Variants in NAA25 observed in about 807,000 individuals in gnomAD.
The protein encoded by NAA25 is N-alpha-acetyltransferase 25, NatB auxiliary subunit.
In NAA25, 30 loss-of-function variants were observed where a neutral mutation model predicts 132.5. The ratio of observed to expected loss-of-function variants is 0.23; its 90% CI spans 0.17 to 0.31. NAA25 has a LOEUF of 0.31. NAA25 is among the 10% of genes least tolerant of loss of function. NAA25 has a pLI of 1.00. For missense variants in NAA25, 771 were observed against 1,150.4 expected, an observed-to-expected ratio of 0.67 and a Z score of 4.77; for synonymous variants, 359 against 401.9, an observed-to-expected ratio of 0.89 and a Z score of 1.28.
intron 17 of NAA25, among the ~76,000 whole-genome samples, chr12:112,047,013 T>C (rs2078391512): frequency 6.6e-6 from 1 of 152,184 alleles, no homozygotes; most frequent in African/African-American, 2.4e-5. Flanking sequence ...CTAAGGAATC[T>C]AGAATTTAGC....
At chr12:112,048,856 T>C (rs1488601877) in intron 15 of NAA25, among the ~76,000 whole-genome samples, 2 of 152,030 alleles carry the variant, frequency 1.3e-5, no homozygotes, top group African/African-American at 4.8e-5. Flanking sequence ...ACCAGAATAA[T>C]AGAACCACCT....
rs145330862 is a variant in NAA25, at chr12:112,063,570, T to C, written c.1150-2182A>G. Among the ~76,000 whole-genome samples, 386 of 152,242 alleles carry C rather than the reference T, an allele frequency of 2.5e-3. 6 individuals carry two copies. The highest frequency in any genetic ancestry group is 9.1e-3 in the African/African-American group (376 of 41,528). ...AATATGTAAGTTCCTAAACAGATAG[T>C]AGCAAACAGGCATTTTGGAATGGAA... is the stretch of plus-strand genomic sequence containing the variant. On this transcript the variant is annotated intron_variant, in intron 11 of 23. Coordinates refer to ENST00000261745, the MANE Select transcript of NAA25 (RefSeq NM_024953.4).
intron 7 of NAA25, 33 bp from the exon 8 acceptor site, chr12:112,075,822 G>A: frequency 1.3e-6 from 2 of 1,566,514 alleles, no homozygotes; most frequent in South Asian, 1.1e-5. Flanking sequence ...TTGGTAAGCT[G>A]GTTTCATTTC....
chr12:112,076,494 A>G (rs1378644949), intron 7 of NAA25, among the ~76,000 whole-genome samples: 1 of 152,194 alleles, frequency 6.6e-6, no homozygotes, highest in Non-Finnish European at 1.5e-5. Context: ...TGAGCTAAGA[A>G]AGATGAGATG....
intron 17 of NAA25, 59 bp from the exon 18 acceptor site, chr12:112,043,927 A>C (rs2078336627): frequency 1.3e-6 from 2 of 1,511,682 alleles, no homozygotes; most frequent in East Asian, 2.3e-5. Flanking sequence ...CATTGCTTTC[A>C]ATTTTTTTTT....
chr12:112,031,099 T>G (rs1235787725), intron 23 of NAA25, among the ~76,000 whole-genome samples: 2 of 152,176 alleles, frequency 1.3e-5, no homozygotes, highest in Non-Finnish European at 2.9e-5. Flanking sequence ...TTTTTTAAAG[T>G]ACAAAATAAT....
At chr12:112,041,966 T>G (rs910547196) in intron 20 of NAA25, 73 bp downstream of exon 20, 20 of 875,848 alleles carry the variant, frequency 2.3e-5, no homozygotes, top group Non-Finnish European at 5.2e-6. Context: ...GGCTTGGGAA[T>G]AGGGGAAAGA....
At chr12:112,050,044 AT>A (rs1395854499) in intron 15 of NAA25, among the ~76,000 whole-genome samples, 38 of 146,706 alleles carry the variant, frequency 2.6e-4, no homozygotes, top group African/African-American at 8.4e-4. Flanking sequence ...ACACCACTTT[AT>A]TTAAAAAAAA....
At chr12:112,089,364 A>G (rs1335392860) in intron 3 of NAA25, among the ~76,000 whole-genome samples, 2 of 152,222 alleles carry the variant, frequency 1.3e-5, no homozygotes, top group African/African-American at 4.8e-5. Context: ...AAAAACTGCT[A>G]TTCTATTTAT....
At chr12:112,090,245 G>T (rs1373611530) in intron 3 of NAA25, 1 of 152,212 alleles carries the variant, frequency 6.6e-6, no homozygotes, top group African/African-American at 2.4e-5. Flanking sequence ...TGAAAAATAT[G>T]TATGATTTCA....
chr12:112,037,517 G>C (rs2078241057), intron 22 of NAA25: 1 of 147,130 alleles, frequency 6.8e-6, no homozygotes, highest in Non-Finnish European at 1.5e-5. Flanking sequence ...TTGGGAAATA[G>C]GATATTCATA....
At chr12:112,068,036 C>T (rs1156446116) in intron 11 of NAA25, among the ~76,000 whole-genome samples, 2 of 152,104 alleles carry the variant, frequency 1.3e-5, no homozygotes, top group African/African-American at 2.4e-5. Context: ...CCACACCCAG[C>T]CTCTTTTTTT....
intron 17 of NAA25, among the ~76,000 whole-genome samples, chr12:112,044,094 AT>A (rs1196820852): frequency 4.7e-5 from 7 of 147,854 alleles, no homozygotes; most frequent in African/African-American, 7.4e-5. Context: ...CGCCCGGCTA[AT>A]TTTTTTTTTG....
chr12:112,106,944 G>A (rs1329995038), intron 1 of NAA25, among the ~76,000 whole-genome samples: 2 of 108,178 alleles, frequency 1.8e-5, no homozygotes, highest in African/African-American at 7.4e-5. Context: ...ATGACAGAAT[G>A]AGACTGTCTC....
At position 112,090,820 on chromosome 12, in the gene NAA25, T is replaced by A. The variant is rs776843858; in HGVS notation, c.189A>T (p.Glu63Asp). Residue 63 changes from glutamate (E) to aspartate (D), a missense_variant, in exon 3 of 24, where the codon GAA becomes GAT. This residue lies in a region of NAA25 where 417 missense variants were observed against 733.8 expected (regional missense o/e 0.57). Transcript: ENST00000261745. ...CCACCTCCTGTGCAAGAGTAAAGGC[T>A]TCCTCTTGCTTTCCAGTTCTCTGTA... is the stretch of plus-strand genomic sequence containing the variant. ...IGLQRTGKQEEAFTLAQEVAA... is the reference protein window; with the variant it reads ...IGLQRTGKQEDAFTLAQEVAA... 1 of 1,613,720 alleles carries A rather than the reference T, an allele frequency of 6.2e-7. No individual in the cohort carries two copies. The highest frequency in any genetic ancestry group is 8.5e-7 in the Non-Finnish European group (1 of 1,179,882).
intron 3 of NAA25, 195 bp downstream of exon 3, chr12:112,090,531 C>T (rs2079114264): frequency 4.2e-6 from 2 of 473,560 alleles, no homozygotes; most frequent in South Asian, 7.8e-5. Context: ...CACTTTAATT[C>T]TCATTCCAAT....
At chr12:112,040,414 G>T in intron 21 of NAA25, 67 bp downstream of exon 21, 1 of 972,122 alleles carries the variant, frequency 1.0e-6, no homozygotes, top group Non-Finnish European at 1.6e-6. Flanking sequence ...CCTGTTCACT[G>T]TTGAAAAATG....
At chr12:112,037,275 C>CAT (rs57810657) in intron 22 of NAA25, among the ~76,000 whole-genome samples, 2,647 of 64,744 alleles carry the variant, frequency 0.041, 118 homozygotes, top group Non-Finnish European at 0.059. Flanking sequence ...TTAAAAAATA[C>CAT]ATATATATAT....
intron 11 of NAA25, 53 bp downstream of exon 11, chr12:112,068,827 G>C: frequency 1.0e-6 from 1 of 955,088 alleles, no homozygotes; most frequent in Non-Finnish European, 1.6e-6. Flanking sequence ...TTTAACCTCT[G>C]TGTTTCAACA....
Sources: gnomAD v4.1 joint callset for allele counts (sites outside exome capture counted in the v4.1 genomes callset) on GRCh38, gnomAD v4.1.1 for gene constraint, gnomAD v4.1.1 regional missense constraint, MANE v1.5 for transcripts, NCBI Gene and HGNC (gene_info 2026-07-23, HGNC 2026-07-21) for gene names.